Variants in PTPRQ observed in about 807,000 individuals in gnomAD.
PTPRQ encodes the protein protein tyrosine phosphatase receptor type Q.
PTPRQ carries 199 observed loss-of-function variants against 246.0 expected under a neutral mutation model. The ratio of observed to expected loss-of-function variants is 0.81; its 90% CI spans 0.72 to 0.91. PTPRQ has a LOEUF of 0.91. Ranked by LOEUF, PTPRQ falls within the 40% of genes least tolerant of loss-of-function variation. The pLI is 0.00. For missense variants in PTPRQ, 2,624 were observed against 2,528.4 expected, an observed-to-expected ratio of 1.04 and a Z score of -0.81; for synonymous variants, 869 against 853.2, an observed-to-expected ratio of 1.02 and a Z score of -0.32.
chr12:80,602,746 A>G (rs1028965792), intron 26 of PTPRQ, among the ~76,000 whole-genome samples: 3 of 151,772 alleles, frequency 2.0e-5, no homozygotes, highest in African/African-American at 7.2e-5. Flanking sequence ...TGTTCAAATG[A>G]TAGTAACATC....
intron 25 of PTPRQ, among the ~76,000 whole-genome samples, chr12:80,554,551 T>C (rs1896587987): frequency 6.6e-6 from 1 of 152,126 alleles, no homozygotes; most frequent in African/African-American, 2.4e-5. Context: ...AAAAATTTAA[T>C]TTAGGGAAAG....
intron 43 of PTPRQ, among the ~76,000 whole-genome samples, chr12:80,676,631 G>A (rs1901153174): frequency 6.6e-6 from 1 of 152,100 alleles, no homozygotes; most frequent in Admixed American, 6.6e-5. Flanking sequence ...GACAGAGCGA[G>A]ACTCTGTTGC....
rs866068743 is a variant in PTPRQ, at chr12:80,669,140, G to A, written c.6326G>A (p.Arg2109Gln). The change falls in exon 40 of 45, where the codon CGG becomes CAG. Residue 2109 changes from arginine (R) to glutamine (Q), a missense_variant and splice_region_variant. Physicochemically the swap from Arg to Gln is conservative, Grantham distance 43. Coordinates refer to ENST00000644991, the MANE Select transcript of PTPRQ (RefSeq NM_001145026.2). ...VMLTQCFEKG[R>Q]IRCHQYWPED... The stretch of plus-strand genomic sequence containing the variant: ...CTAACACAGTGTTTTGAAAAAGGAC[G>A]GGTAAGTTATTTGAAAATGTTTTAC... The A allele has an allele frequency of 1.4e-5, 22 of 1,541,700 alleles. No homozygotes were observed. The highest frequency in any genetic ancestry group is 1.7e-4 in the Middle Eastern group (1 of 5,962).
At chr12:80,484,735 G>T (rs1894217188) in intron 9 of PTPRQ, 130 bp downstream of exon 9, 1 of 1,100,868 alleles carries the variant, frequency 9.1e-7, no homozygotes, top group Non-Finnish European at 1.2e-6. Context: ...AAGTAAATTT[G>T]GGGCATGTTG....
intron 6 of PTPRQ, chr12:80,465,670 C>A (rs1003518109): frequency 2.0e-5 from 3 of 152,300 alleles, no homozygotes; most frequent in Admixed American, 6.5e-5. Context: ...ATCAAGTGGG[C>A]TTCATCCCTG....
chr12:80,488,177 G>C (rs1179746115), intron 9 of PTPRQ, among the ~76,000 whole-genome samples: 1 of 150,688 alleles, frequency 6.6e-6, no homozygotes, highest in African/African-American at 2.4e-5. Flanking sequence ...TATATAATGT[G>C]ATCATGGGAG....
chr12:80,545,213 G>C (rs1293417233), intron 23 of PTPRQ, among the ~76,000 whole-genome samples: 1 of 151,912 alleles, frequency 6.6e-6, no homozygotes, highest in African/African-American at 2.4e-5. Flanking sequence ...TTGATGGCAG[G>C]GACCATGCCT....
At chr12:80,487,010 T>A (rs1043887721) in intron 9 of PTPRQ, among the ~76,000 whole-genome samples, 6 of 152,138 alleles carry the variant, frequency 3.9e-5, no homozygotes, top group African/African-American at 1.4e-4. Flanking sequence ...TTTTCTAACT[T>A]TTTAGTGAAG....
intron 28 of PTPRQ, 142 bp from the exon 29 acceptor site, chr12:80,613,450 T>C: frequency 1.3e-6 from 1 of 768,940 alleles, no homozygotes; most frequent in Non-Finnish European, 2.0e-6. Flanking sequence ...AATGCGTCAG[T>C]CATTTTGCTA....
chr12:80,466,911 T>A (rs1007525819), intron 6 of PTPRQ, among the ~76,000 whole-genome samples: 25 of 151,598 alleles, frequency 1.6e-4, no homozygotes, highest in Admixed American at 5.9e-4. Flanking sequence ...ACCCTAGAAG[T>A]AAACCTAGGC....
chr12:80,660,036 G>T (rs1202356315), intron 39 of PTPRQ, among the ~76,000 whole-genome samples: 6 of 151,910 alleles, frequency 3.9e-5, no homozygotes, highest in Non-Finnish European at 7.4e-5. Flanking sequence ...AGAATGTCTG[G>T]TATATCAATT....
chr12:80,501,460 T>C (rs1894796797), intron 14 of PTPRQ, among the ~76,000 whole-genome samples: 2 of 151,856 alleles, frequency 1.3e-5, no homozygotes, highest in Non-Finnish European at 2.9e-5. Context: ...TGCAACATGT[T>C]TGAAATATCC....
intron 25 of PTPRQ, among the ~76,000 whole-genome samples, chr12:80,557,316 C>T (rs992654502): frequency 6.6e-6 from 1 of 151,928 alleles, no homozygotes; most frequent in African/African-American, 2.4e-5. Context: ...TTCCATACTC[C>T]TTTCCTGCTT....
At chr12:80,455,949 T>G in intron 3 of PTPRQ, among the ~76,000 whole-genome samples, 1 of 152,206 alleles carries the variant, frequency 6.6e-6, no homozygotes, top group East Asian at 1.9e-4. Context: ...ATTTGAATAC[T>G]ACAGAAAGAT....
rs1192320009 is a variant in PTPRQ, at chr12:80,658,048, C to A, written c.6179C>A (p.Ala2060Asp). 2 of 1,401,960 alleles carry A rather than the reference C, an allele frequency of 1.4e-6. No homozygotes were observed. Among genetic ancestry groups the A allele is most frequent in the South Asian group, 1.8e-5 (1 of 56,258 alleles). The allele number at this position is 1,401,960 out of a possible 1,614,324, so 86.8% of individuals were successfully genotyped here. A position where few individuals can be genotyped will look rare whatever the true frequency, so the allele number is the denominator to read the frequency against. ...ASVPGSDYINASYISGYLCPN... is the reference protein window; with the variant it reads ...ASVPGSDYINDSYISGYLCPN... ...GTTCCAGGTTCGGATTATATTAATG[C>A]CAGCTATATTTCTGTAAGTTACTAT... The change falls in exon 39 of 45, where the codon GCC becomes GAC. Residue 2060 changes from alanine to aspartate, a missense_variant. By Grantham distance (126) the Ala-to-Asp change is moderately radical (BLOSUM62 -2). Coordinates refer to ENST00000644991, the MANE Select transcript of PTPRQ (RefSeq NM_001145026.2).
chr12:80,664,237 T>C (rs1328627997), intron 39 of PTPRQ, among the ~76,000 whole-genome samples: 1 of 152,048 alleles, frequency 6.6e-6, no homozygotes, highest in East Asian at 1.9e-4. Context: ...TTTCTCCTTC[T>C]TCTTTCTTCT....
chr12:80,506,307 G>A (rs1446679616), intron 15 of PTPRQ, 101 bp downstream of exon 15: 2 of 1,275,574 alleles, frequency 1.6e-6, no homozygotes, highest in Non-Finnish European at 1.0e-6. Flanking sequence ...TTCATGCAGG[G>A]TATTACAATT....
chr12:80,665,813 A>C (rs1900768494), intron 39 of PTPRQ, among the ~76,000 whole-genome samples: 1 of 152,080 alleles, frequency 6.6e-6, no homozygotes, highest in African/African-American at 2.4e-5. Flanking sequence ...AAAAGAAGAC[A>C]TACAAATGGC....
intron 17 of PTPRQ, among the ~76,000 whole-genome samples, chr12:80,532,658 C>T (rs1364165126): frequency 6.6e-6 from 1 of 152,116 alleles, no homozygotes; most frequent in Non-Finnish European, 1.5e-5. Flanking sequence ...GCCACAGTAT[C>T]AAGAGTTTTA....
Sources: allele counts gnomAD v4.1 joint callset (sites outside exome capture counted in the v4.1 genomes callset), GRCh38; gene constraint gnomAD v4.1.1; transcripts MANE v1.5; gene names NCBI Gene and HGNC (gene_info 2026-07-23, HGNC 2026-07-21).